Variants in TRPM3 observed in about 807,000 individuals in gnomAD.
TRPM3 encodes the protein transient receptor potential cation channel subfamily M member 3.
Under a neutral mutation model 181.2 loss-of-function variants are expected in TRPM3, and 77 were observed. The ratio of observed to expected loss-of-function variants is 0.42; its 90% confidence interval spans 0.35 to 0.51. TRPM3 has a LOEUF of 0.51. Ranked by LOEUF, TRPM3 falls within the 20% of genes least tolerant of loss-of-function variation. The pLI, the probability that TRPM3 is intolerant of heterozygous loss-of-function variation, is 0.01. For missense variants in TRPM3, 1,759 were observed against 2,196.7 expected, an observed-to-expected ratio of 0.80 and a Z score of 3.98; for synonymous variants, 745 against 796.4, an observed-to-expected ratio of 0.94 and a Z score of 1.09.
rs111612563 is a variant in TRPM3 at position 71,399,680 on chromosome 9, C to T, written c.183+46973G>A. Among the ~76,000 whole-genome samples, 85 of 151,928 alleles carry T rather than the reference C, an allele frequency of 5.6e-4. 1 individual carries two copies. The highest frequency in any genetic ancestry group is 1.9e-3 in the African/African-American group (80 of 41,458). On this transcript the variant is annotated intron_variant, in intron 1 of 24. Coordinates refer to the TRPM3 transcript ENST00000357533. The stretch of plus-strand genomic sequence containing the variant: ...AGTAGCTGGGACTACAGGCACCCGC[C>T]ACCACGCCCAGCTAATTTTTTTTTG...
chr9:71,163,196 G>A (rs896250743), intron 1 of TRPM3, among the ~76,000 whole-genome samples: 1 of 152,162 alleles, frequency 6.6e-6, no homozygotes, highest in Non-Finnish European at 1.5e-5. Flanking sequence ...AGGTCACAGT[G>A]TGAAGAATAG....
intron 1 of TRPM3, among the ~76,000 whole-genome samples, chr9:71,301,892 T>C (rs1354131755): frequency 2.6e-5 from 4 of 152,190 alleles, no homozygotes; most frequent in Non-Finnish European, 4.4e-5. Flanking sequence ...AATTCCTTTC[T>C]ATTTCTGTGG....
chr9:70,544,096 C>T (rs544562581), intron 25 of TRPM3, among the ~76,000 whole-genome samples: 53 of 152,086 alleles, frequency 3.5e-4, no homozygotes, highest in African/African-American at 1.2e-3. Flanking sequence ...TAAAGGAACC[C>T]GAAAAGAACT....
chr9:71,233,062 CATATGT>C (rs1164837708), intron 1 of TRPM3, among the ~76,000 whole-genome samples: 5 of 152,124 alleles, frequency 3.3e-5, no homozygotes, highest in Non-Finnish European at 7.4e-5. Flanking sequence ...CTGAAAGTGC[CATATGT>C]AGCTAGAAAA....
At chr9:71,048,820 C>T (rs1292817518) in intron 1 of TRPM3, among the ~76,000 whole-genome samples, 2 of 152,146 alleles carry the variant, frequency 1.3e-5, no homozygotes, top group Non-Finnish European at 2.9e-5. Context: ...CACCTGGATG[C>T]TGATGTGAGA....
At chr9:71,082,496 G>T (rs1002482268) in intron 1 of TRPM3, among the ~76,000 whole-genome samples, 2 of 152,096 alleles carry the variant, frequency 1.3e-5, no homozygotes, top group South Asian at 4.1e-4. Context: ...TTCATTCTAG[G>T]TAAATAAAGG....
intron 1 of TRPM3, among the ~76,000 whole-genome samples, chr9:71,260,803 A>C (rs1331127497): frequency 6.6e-6 from 1 of 152,220 alleles, no homozygotes; most frequent in Non-Finnish European, 1.5e-5. Context: ...GGTTTTCTAA[A>C]TATACAATCA....
Position 71,109,124 on chromosome 9 carries a change from G to A in TRPM3, c.177+12054C>T, listed in dbSNP as rs995534881. On this transcript the variant is annotated intron_variant, in intron 1 of 25. Coordinates refer to ENST00000677713, the MANE Select transcript of TRPM3 (RefSeq NM_001366145.2). ...CTGTTCCTGGTTCTACAGCAGACTCGAGCTAAAATTTTCTGGCTCTCCAGC... is the reference window on the plus strand; with the variant it reads ...CTGTTCCTGGTTCTACAGCAGACTCAAGCTAAAATTTTCTGGCTCTCCAGC... Among the ~76,000 whole-genome samples the A allele has an allele frequency of 7.9e-5, 12 of 152,236 alleles. No individual in the cohort carries two copies. In the South Asian group the frequency reaches 1.0e-3, roughly 13 times the overall value.
At chr9:70,942,452 A>G (rs2096895374) in intron 1 of TRPM3, among the ~76,000 whole-genome samples, 1 of 152,198 alleles carries the variant, frequency 6.6e-6, no homozygotes, top group Non-Finnish European at 1.5e-5. Flanking sequence ...AGCCATCAAC[A>G]ATCACATTGG....
chr9:71,197,007 A>C (rs974855291), intron 1 of TRPM3, among the ~76,000 whole-genome samples: 4 of 151,920 alleles, frequency 2.6e-5, no homozygotes, highest in African/African-American at 9.7e-5. Context: ...TCCCAATGCT[A>C]TCTCTCCCCC....
intron 1 of TRPM3, among the ~76,000 whole-genome samples, chr9:70,919,449 C>G (rs2096632735): frequency 6.6e-6 from 1 of 152,164 alleles, no homozygotes; most frequent in African/African-American, 2.4e-5. Flanking sequence ...TGAAGGTTAG[C>G]TCAAACATAA....
chr9:71,382,824 G>C (rs963247112), intron 1 of TRPM3, among the ~76,000 whole-genome samples: 23 of 151,724 alleles, frequency 1.5e-4, no homozygotes, highest in African/African-American at 5.6e-4. Context: ...CTCCTACTTA[G>C]AAGTGACCTT....
chr9:71,326,606 A>C (rs755575218), intron 1 of TRPM3, among the ~76,000 whole-genome samples: 28 of 152,340 alleles, frequency 1.8e-4, no homozygotes, highest in Non-Finnish European at 3.1e-4. Flanking sequence ...AAGACAAGGA[A>C]GTAGATGACT....
At chr9:70,673,152 A>T (rs1397563586) in intron 9 of TRPM3, among the ~76,000 whole-genome samples, 1 of 152,106 alleles carries the variant, frequency 6.6e-6, no homozygotes, top group Middle Eastern at 3.2e-3. Flanking sequence ...TAGTCTGTAA[A>T]ATGCATGGAG....
chr9:71,129,066 GA>G (rs568783345), intron 1 of TRPM3, among the ~76,000 whole-genome samples: 15 of 152,276 alleles, frequency 9.9e-5, no homozygotes, highest in Non-Finnish European at 2.1e-4. Context: ...CTGCTTGGTA[GA>G]GAATTTTAAT....
At chr9:71,378,112 A>G (rs979713630) in intron 1 of TRPM3, among the ~76,000 whole-genome samples, 23 of 152,138 alleles carry the variant, frequency 1.5e-4, no homozygotes, top group African/African-American at 4.8e-4. Context: ...ATAGATCAAA[A>G]GTTTAAAAAA....
chr9:70,998,297 CCT>C (rs2097565289), intron 1 of TRPM3, among the ~76,000 whole-genome samples: 1 of 148,814 alleles, frequency 6.7e-6, no homozygotes, highest in African/African-American at 2.5e-5. Flanking sequence ...CCTGACATAA[CCT>C]CTTTTACCAA....
In TRPM3 at chr9:71,121,041, C is replaced by T. The variant is rs796848600; in HGVS notation, c.177+137G>A. 5.6e-5 allele frequency: 43 copies of T among 762,080 alleles called. No homozygotes were observed. In the African/African-American group the frequency reaches 6.8e-4, roughly 12 times the overall value. The allele number at this position is 762,080 out of a possible 1,614,324, so 47.2% of individuals were successfully genotyped here. A position where few individuals can be genotyped will look rare whatever the true frequency, so the allele number is the denominator to read the frequency against. On this transcript the variant is annotated intron_variant, in intron 1 of 25. Transcript: ENST00000677713. Reference sequence around the variant, plus strand: ...GAGGGCAGGAGTACTGAGAACCTCTCTCCAGCCACGGACCACAGAGCCAGT... The same window carrying T: ...GAGGGCAGGAGTACTGAGAACCTCTTTCCAGCCACGGACCACAGAGCCAGT...
chr9:70,686,299 C>T (rs868755632), intron 8 of TRPM3, among the ~76,000 whole-genome samples: 2 of 152,076 alleles, frequency 1.3e-5, no homozygotes, highest in Non-Finnish European at 2.9e-5. Flanking sequence ...GCCAGTCTTC[C>T]GCTAATGAAC....
Sources: allele counts gnomAD v4.1 joint callset (sites outside exome capture counted in the v4.1 genomes callset), GRCh38; gene constraint gnomAD v4.1.1; transcripts MANE v1.5; gene names NCBI Gene and HGNC (gene_info 2026-07-23, HGNC 2026-07-21).